SYNPR: variants seen among roughly 807,000 people sequenced by gnomAD.
SYNPR encodes the protein synaptoporin.
In SYNPR, 23 loss-of-function variants were observed where a neutral mutation model predicts 32.9. That is an observed-to-expected ratio of 0.70 (90% confidence interval 0.50 to 0.99). The LOEUF (loss-of-function observed/expected upper bound fraction) is 0.99, where lower values mean the gene tolerates loss of function less well. Among genes scored for constraint, SYNPR ranks in the 50% least tolerant of loss-of-function variants. The probability of loss-of-function intolerance (pLI) is 0.00; values close to 1 mark genes in which losing one functional copy is unlikely to be tolerated. For missense variants in SYNPR, 318 were observed against 349.3 expected (o/e 0.91, Z 0.71); for synonymous variants, 146 against 135.9 (o/e 1.07, Z -0.52).
chr3:63,229,659 G>A (rs528960006), intron 1 of SYNPR, among the ~76,000 whole-genome samples: 1 of 152,230 alleles, frequency 6.6e-6, no homozygotes, highest in East Asian at 1.9e-4. Flanking sequence ...TGAAGTTTAT[G>A]AGACTCTAAT....
At chr3:63,524,518 G>C (rs1701970789) in intron 3 of SYNPR, among the ~76,000 whole-genome samples, 1 of 152,066 alleles carries the variant, frequency 6.6e-6, no homozygotes, top group Non-Finnish European at 1.5e-5. Context: ...GTGGCATTCT[G>C]GGTTCTGTTT....
intron 3 of SYNPR, among the ~76,000 whole-genome samples, chr3:63,504,821 G>A (rs1486820422): frequency 6.6e-6 from 1 of 152,140 alleles, no homozygotes; most frequent in East Asian, 1.9e-4. Flanking sequence ...ATAGCATCTA[G>A]TAGAATTTCC....
At chr3:63,614,440 G>A (rs1464521438) in intron 5 of SYNPR, among the ~76,000 whole-genome samples, 2 of 152,236 alleles carry the variant, frequency 1.3e-5, no homozygotes, top group East Asian at 3.9e-4. Context: ...ACACCCTCCT[G>A]GAGAGTAAGA....
intron 3 of SYNPR, among the ~76,000 whole-genome samples, chr3:63,521,469 T>C (rs905043534): frequency 8.5e-5 from 13 of 152,176 alleles, no homozygotes; most frequent in African/African-American, 3.1e-4. Flanking sequence ...TTTACAAATA[T>C]TAAGTCAGGG....
chr3:63,556,287 C>T (rs1357231038), intron 3 of SYNPR, among the ~76,000 whole-genome samples: 1 of 152,194 alleles, frequency 6.6e-6, no homozygotes, highest in African/African-American at 2.4e-5. Flanking sequence ...ATTTCAGGTT[C>T]CCTTTCCCCT....
chr3:63,470,751 C>T (rs1700780441), intron 2 of SYNPR, among the ~76,000 whole-genome samples: 1 of 152,158 alleles, frequency 6.6e-6, no homozygotes, highest in African/African-American at 2.4e-5. Flanking sequence ...AGATTCACTT[C>T]CTAGTCTCCT....
the SYNPR span, among the ~76,000 whole-genome samples, chr3:63,205,020 T>G: frequency 6.6e-6 from 1 of 152,116 alleles, no homozygotes; most frequent in Non-Finnish European, 1.5e-5. Flanking sequence ...CTCTGACTGT[T>G]CCCTCACCTC....
At chr3:63,272,971 G>A (rs2086548318) in intron 3 of SYNPR, among the ~76,000 whole-genome samples, 1 of 152,136 alleles carries the variant, frequency 6.6e-6, no homozygotes. Context: ...AAACATGGGA[G>A]TGATCTCAGG....
chr3:63,551,095 C>G lies in SYNPR; in HGVS notation c.210-5448C>G, dbSNP rs563687884. 3.9e-5 allele frequency among the ~76,000 whole-genome samples: 6 copies of G among 152,320 alleles called. No individual in the cohort carries two copies. The East Asian group carries it at 1.2e-3, about 29-fold the overall frequency. On this transcript the variant is annotated intron_variant, in intron 3 of 5. Coordinates refer to ENST00000478300, the MANE Select transcript of SYNPR (RefSeq NM_001130003.2). ...CAATTCTCCCATCCTCCACCCAGTC[C>G]TAAGCAAACACTAACCTGCTTTTGT...
chr3:63,396,999 G>A (rs911975869), intron 2 of SYNPR, among the ~76,000 whole-genome samples: 1 of 151,806 alleles, frequency 6.6e-6, no homozygotes, highest in African/African-American at 2.4e-5. Context: ...AGCCACTCAG[G>A]AGGCTGAGGT....
chr3:63,219,485 C>T, the SYNPR span, among the ~76,000 whole-genome samples: 2 of 152,200 alleles, frequency 1.3e-5, no homozygotes, highest in Non-Finnish European at 1.5e-5. Context: ...ATACAGTTGA[C>T]CTTTTAACAA....
intron 2 of SYNPR, among the ~76,000 whole-genome samples, chr3:63,472,916 T>C (rs1700831290): frequency 6.6e-6 from 1 of 152,158 alleles, no homozygotes; most frequent in Non-Finnish European, 1.5e-5. Context: ...TGCTCAACTT[T>C]GTCATCAGAG....
chr3:63,414,419 A>T (rs917238376), intron 2 of SYNPR, among the ~76,000 whole-genome samples: 1 of 152,196 alleles, frequency 6.6e-6, no homozygotes, highest in East Asian at 1.9e-4. Context: ...ATTTGTAGAA[A>T]TGTAAAATAG....
At chr3:63,342,000 G>T (rs746843134) in intron 2 of SYNPR, among the ~76,000 whole-genome samples, 1 of 152,130 alleles carries the variant, frequency 6.6e-6, no homozygotes, top group African/African-American at 2.4e-5. Context: ...TGCATTTTAC[G>T]TTTAGATGTA....
chr3:63,326,326 G>C (rs1232096283), intron 2 of SYNPR, among the ~76,000 whole-genome samples: 2 of 62,038 alleles, frequency 3.2e-5, no homozygotes, highest in Non-Finnish European at 9.3e-5. Flanking sequence ...GACAGCAGAG[G>C]CTGAAGCTGG....
At chr3:63,418,793 G>T (rs2088573680) in intron 2 of SYNPR, among the ~76,000 whole-genome samples, 1 of 152,102 alleles carries the variant, frequency 6.6e-6, no homozygotes, top group Non-Finnish European at 1.5e-5. Context: ...ACCCCCACCA[G>T]GTGCCTCCCA....
intron 3 of SYNPR, among the ~76,000 whole-genome samples, chr3:63,516,369 C>T (rs1374002857): frequency 6.6e-6 from 1 of 152,126 alleles, no homozygotes; most frequent in Non-Finnish European, 1.5e-5. Context: ...TACTCAGGAG[C>T]TTCTTGTAAG....
At chr3:63,247,923 A>C (rs2086304118) in intron 1 of SYNPR, among the ~76,000 whole-genome samples, 1 of 152,060 alleles carries the variant, frequency 6.6e-6, no homozygotes, top group Non-Finnish European at 1.5e-5. Flanking sequence ...AGAATCAGGA[A>C]CCCAGGTGAT....
chr3:63,347,014 G>A (rs893263432), intron 2 of SYNPR, among the ~76,000 whole-genome samples: 1 of 152,100 alleles, frequency 6.6e-6, no homozygotes, highest in Admixed American at 6.6e-5. Flanking sequence ...AATCTATCTA[G>A]ACTTCAGTTT....
Sources: allele counts gnomAD v4.1 joint callset (sites outside exome capture counted in the v4.1 genomes callset), GRCh38; gene constraint gnomAD v4.1.1; transcripts MANE v1.5; gene names NCBI Gene and HGNC (gene_info 2026-07-23, HGNC 2026-07-21).